The following ZNF674 variants were observed in gnomAD, a reference collection of about 807,000 sequenced individuals.
ZNF674 encodes zinc finger protein 674, also known as zinc finger family member 674.
A neutral mutation model predicts 7.0 loss-of-function variants in ZNF674; 2 were observed. That is an observed-to-expected ratio of 0.29 (90% CI 0.12 to 0.90). The LOEUF (loss-of-function observed/expected upper bound fraction) is 0.90. ZNF674 is among the 40% of genes least tolerant of loss of function. The pLI is 0.57. For missense variants in ZNF674, 297 were observed against 415.5 expected (o/e 0.71, Z 2.48); for synonymous variants, 103 against 145.2 (o/e 0.71, Z 2.09).
At chrX:46,505,768 T>TCTCACACA (rs377176227) in intron 5 of ZNF674, among the ~76,000 whole-genome samples, 2 of 100,230 alleles carry the variant, frequency 2.0e-5, no homozygotes, top group African/African-American at 7.3e-5. Flanking sequence ...CAAAACTCTG[T>TCTCACACA]CACACACACA....
chrX:46,528,853 T>C lies in ZNF674; in HGVS notation c.72A>G (p.Gln24=), dbSNP rs772238767. The change falls in exon 4 of 6, where the codon CAA becomes CAG. Residue 24 remains glutamine (Q), a synonymous_variant. Coordinates refer to ENST00000683375, the MANE Select transcript of ZNF674 (RefSeq NM_001190417.2). ...FVDFTLEEWQ[Q]LDSAQKNLYR... ...AGAGGTTCTTCTGGGCAGAGTCCAG[T>C]TGCTGCCACTCCTCCAGGGTGAAGT... The C allele has an allele frequency of 2.5e-6, 3 of 1,211,685 alleles. No homozygotes were observed. The Admixed American group carries it at 6.5e-5, about 26-fold the overall frequency.
chrX:46,544,860 C>T (rs1942351060), intron 1 of ZNF674, among the ~76,000 whole-genome samples: 1 of 111,917 alleles, frequency 8.9e-6, no homozygotes, highest in African/African-American at 3.3e-5. Context: ...GAAATGATTG[C>T]CTTCCATGAG....
At chrX:46,538,088 C>CA (rs11335113) in intron 3 of ZNF674, among the ~76,000 whole-genome samples, 55 of 95,750 alleles carry the variant, frequency 5.7e-4, no homozygotes, top group South Asian at 9.4e-4. Context: ...GACTCCATCT[C>CA]AAAAAAAAAA....
In ZNF674 at chrX:46,541,089, C is replaced by T. The variant is rs372076319; in HGVS notation, c.15+984G>A. Among the ~76,000 whole-genome samples the T allele has an allele frequency of 7.1e-5, 7 of 98,899 alleles. No homozygotes were observed. The East Asian group carries it at 9.4e-4, about 13-fold the overall frequency. 85.9% of individuals were successfully genotyped at this position (98,899 alleles called of 115,157 possible). On this transcript the variant is annotated intron_variant, in intron 3 of 5. Transcript: ENST00000683375. Reference sequence around the variant, plus strand: ...AAAAAAAAAAAAAAAAGGCCAGGCACGGTGGCTCACACCTGTAATCCCAGC... The same window carrying T: ...AAAAAAAAAAAAAAAAGGCCAGGCATGGTGGCTCACACCTGTAATCCCAGC...
chrX:46,502,670 A>C (rs898635597), intron 5 of ZNF674, among the ~76,000 whole-genome samples: 1 of 111,967 alleles, frequency 8.9e-6, no homozygotes, highest in African/African-American at 3.2e-5. Flanking sequence ...TAAACATCAC[A>C]CATGTTGGTG....
chrX:46,521,372 T>C (rs1304651133), intron 5 of ZNF674, among the ~76,000 whole-genome samples: 1 of 109,123 alleles, frequency 9.2e-6, no homozygotes, highest in African/African-American at 3.3e-5. Flanking sequence ...AGCCCAGGAG[T>C]TTGAGACCAG....
chrX:46,533,902 A>T (rs1175100981), intron 3 of ZNF674, among the ~76,000 whole-genome samples: 4 of 103,322 alleles, frequency 3.9e-5, no homozygotes, highest in Non-Finnish European at 7.8e-5. Context: ...CATTAGGAAA[A>T]TCTGGTGGAT....
intron 5 of ZNF674, among the ~76,000 whole-genome samples, chrX:46,504,423 A>T: frequency 9.2e-6 from 1 of 108,893 alleles, no homozygotes; most frequent in Non-Finnish European, 1.9e-5. Flanking sequence ...GCTCACTGCA[A>T]CCTCTGCCTC....
chrX:46,519,265 AAGATAGATGATAGAT>A (rs1185196174), intron 5 of ZNF674, among the ~76,000 whole-genome samples: 1 of 45,713 alleles, frequency 2.2e-5, no homozygotes, highest in Admixed American at 2.5e-4. Context: ...TAGATAGATA[AAGATAGATGATAGAT>A]AGATAGATAG....
chrX:46,499,841 A>T lies in ZNF674; in HGVS notation c.*2T>A, dbSNP rs1237143629. 1 of 1,120,024 alleles carries T rather than the reference A, an allele frequency of 8.9e-7. No homozygotes were observed. Among genetic ancestry groups the T allele is most frequent in the African/African-American group, 1.8e-5 (1 of 54,408 alleles). 92.3% of individuals were successfully genotyped at this position (1,120,024 alleles called of 1,213,427 possible). On this transcript the variant is annotated 3_prime_UTR_variant, in exon 6 of 6. Transcript: ENST00000683375. ...GTATAATTATCCCACTCTCAAGTAT[A>T]ATCATAGGTTTTTATCTCCTGTGTG...
chrX:46,510,434 T>C (rs1246081765), intron 5 of ZNF674, among the ~76,000 whole-genome samples: 1 of 111,874 alleles, frequency 8.9e-6, no homozygotes, highest in Non-Finnish European at 1.9e-5. Flanking sequence ...AAAACTGTCT[T>C]CTCAACATAT....
At chrX:46,542,159 A>T in intron 2 of ZNF674, 43 bp from the exon 3 acceptor site, 1 of 763,847 alleles carries the variant, frequency 1.3e-6, no homozygotes. Flanking sequence ...GTGGGTATAG[A>T]CATAAGATCA....
chrX:46,541,129 AG>A (rs1378125579), intron 3 of ZNF674, among the ~76,000 whole-genome samples: 1 of 108,283 alleles, frequency 9.2e-6, no homozygotes, highest in Non-Finnish European at 1.9e-5. Context: ...TGGGAGGCTG[AG>A]GTGGACAGAT....
intron 2 of ZNF674, among the ~76,000 whole-genome samples, chrX:46,543,459 T>G (rs1186492589): frequency 9.0e-6 from 1 of 111,585 alleles, no homozygotes; most frequent in Non-Finnish European, 1.9e-5. Flanking sequence ...TTCATGTGGT[T>G]TGGAGGAAGG....
intron 5 of ZNF674, among the ~76,000 whole-genome samples, chrX:46,515,570 G>C (rs368946900): frequency 1.8e-5 from 2 of 111,260 alleles, no homozygotes; most frequent in African/African-American, 6.5e-5. Context: ...TTGTGGTGAT[G>C]TGATCCTGGG....
Position 46,501,018 on chromosome X carries a change from G to C in ZNF674, c.556C>G (p.Pro186Ala). 8.3e-7 allele frequency: 1 copy of C among 1,205,821 alleles called. No individual in the cohort carries two copies. The highest frequency in any genetic ancestry group is 1.1e-6 in the Non-Finnish European group (1 of 892,339). ...CLHYNLHKAQ[P>A]AERFFDPNQR... ...TTAGGGTCAAAAAATCTCTCTGCAG[G>C]TTGAGCTTTATGAAGATTATAATGG... Residue 186 changes from proline to alanine, a missense_variant, in exon 6 of 6, where the codon CCT (proline) becomes GCT (alanine). Physicochemically the swap from Pro to Ala is conservative, Grantham distance 27. Coordinates refer to ENST00000683375, the MANE Select transcript of ZNF674 (RefSeq NM_001190417.2).
chrX:46,501,172 T>C lies in ZNF674; in HGVS notation c.402A>G (p.Val134=), dbSNP rs200746139. The C allele has an allele frequency of 4.1e-5, 49 of 1,207,502 alleles. No individual in the cohort carries two copies. The African/African-American group carries it at 7.9e-4, about 19-fold the overall frequency. ...IIYLNTDFVS[V]KQRLPKYYSW... ...AATAATATTTAGGGAGTCTTTGTTT[T>C]ACAGAAACAAAGTCTGTGTTGAGAT... Residue 134 remains valine, a synonymous_variant, in exon 6 of 6, where the codon GTA becomes GTG. Transcript: ENST00000683375.
Position 46,528,872 on chromosome X carries a change from G to A in ZNF674, c.53C>T (p.Thr18Ile). 1.7e-6 allele frequency: 2 copies of A among 1,211,736 alleles called. No individual in the cohort carries two copies. Among genetic ancestry groups the A allele is most frequent in the Non-Finnish European group, 1.1e-6 (1 of 895,540 alleles). Reference sequence around the variant, plus strand: ...GTCCAGTTGCTGCCACTCCTCCAGGGTGAAGTCCACAAACACGTCCTTGAA... The same window carrying A: ...GTCCAGTTGCTGCCACTCCTCCAGGATGAAGTCCACAAACACGTCCTTGAA... ...LTFKDVFVDF[T>I]LEEWQQLDSA... The change falls in exon 4 of 6, where the codon ACC becomes ATC. Residue 18 changes from threonine to isoleucine, a missense_variant. Thr to Ile is a moderately conservative substitution (Grantham distance 89). Transcript: ENST00000683375.
intron 5 of ZNF674, among the ~76,000 whole-genome samples, chrX:46,502,699 T>C (rs1259101499): frequency 8.9e-6 from 1 of 112,090 alleles, no homozygotes; most frequent in Non-Finnish European, 1.9e-5. Context: ...ATACTGGAGT[T>C]AGAGTGTGCT....
Sources: allele counts gnomAD v4.1 joint callset (sites outside exome capture counted in the v4.1 genomes callset), GRCh38; gene constraint gnomAD v4.1.1; transcripts MANE v1.5; gene names NCBI Gene and HGNC (gene_info 2026-07-23, HGNC 2026-07-21).